Variants in FBLIM1 observed in about 807,000 individuals in gnomAD.
FBLIM1 encodes filamin binding LIM protein 1, also known as filamin-binding LIM protein 1.
FBLIM1 carries 29 observed loss-of-function variants against 37.4 expected under a neutral mutation model. That is an observed-to-expected ratio of 0.77 (90% CI 0.58 to 1.06). The LOEUF is 1.06. Among genes scored for constraint, FBLIM1 ranks in the 50% least tolerant of loss-of-function variants. The pLI is 0.00. For missense variants in FBLIM1, 449 were observed against 505.6 expected, an observed-to-expected ratio of 0.89 and a Z score of 1.07; for synonymous variants, 193 against 199.0, an observed-to-expected ratio of 0.97 and a Z score of 0.25.
Position 15,767,436 on chromosome 1 carries a change from T to TG in FBLIM1, c.311_312insG (p.Pro106ThrfsTer13). On this transcript the variant is annotated frameshift_variant, in exon 4 of 9. Transcript: ENST00000375766. LOFTEE classifies it high-confidence loss of function. ...GACGTGCTTCCTGACCTGGACCTCC[T>TG]CCCACCCCCTCCACCGCCCCCTCCA... 9 of 1,209,840 alleles carry TG rather than the reference T, an allele frequency of 7.4e-6. No individual in the cohort carries two copies. Among genetic ancestry groups the TG allele is most frequent in the Non-Finnish European group, 1.0e-5 (9 of 893,850 alleles). The allele number at this position is 1,209,840 out of a possible 1,614,324, so 74.9% of individuals were successfully genotyped here.
At chr1:15,781,458 A>G (rs1411513219) in intron 8 of FBLIM1, among the ~76,000 whole-genome samples, 1 of 149,970 alleles carries the variant, frequency 6.7e-6, no homozygotes, top group African/African-American at 2.5e-5. Flanking sequence ...GGTTGCAGTG[A>G]GCAGAGATTG....
chr1:15,783,080 C>T (rs1052243206), intron 8 of FBLIM1, among the ~76,000 whole-genome samples: 2 of 152,102 alleles, frequency 1.3e-5, no homozygotes, highest in African/African-American at 4.8e-5. Flanking sequence ...AGGCGTGAGC[C>T]ACTGCGCCTG....
chr1:15,764,883 G>A, intron 2 of FBLIM1, 81 bp from the exon 3 acceptor site: 2 of 1,477,864 alleles, frequency 1.4e-6, no homozygotes, highest in Non-Finnish European at 1.8e-6. Context: ...CTTTTTGGGA[G>A]GAGGGAGGCT....
At chr1:15,783,135 G>C (rs886143880) in intron 8 of FBLIM1, among the ~76,000 whole-genome samples, 1 of 151,984 alleles carries the variant, frequency 6.6e-6, no homozygotes, top group African/African-American at 2.4e-5. Flanking sequence ...AGCTTCCAAA[G>C]GGTGCCCAGA....
chr1:15,784,990 C>T lies in FBLIM1; in HGVS notation c.*329C>T, dbSNP rs2069738187. ...CTGGTAGGGGTGCTAGGACCAGCCT[C>T]GCCTGTGGGGTTGAGCTGTTTGAGG... On this transcript the variant is annotated 3_prime_UTR_variant, in exon 9 of 9. Coordinates refer to ENST00000375766, the MANE Select transcript of FBLIM1 (RefSeq NM_017556.4). The T allele has an allele frequency of 1.3e-5, 3 of 229,016 alleles. No homozygotes were observed. The highest frequency in any genetic ancestry group is 2.2e-5 in the African/African-American group (1 of 45,188). The allele number at this position is 229,016 out of a possible 1,614,324, so 14.2% of individuals were successfully genotyped here. A position where few individuals can be genotyped will look rare whatever the true frequency, so the allele number is the denominator to read the frequency against.
At chr1:15,761,002 T>A (rs954448258) in intron 1 of FBLIM1, among the ~76,000 whole-genome samples, 4 of 152,134 alleles carry the variant, frequency 2.6e-5, no homozygotes, top group African/African-American at 9.7e-5. Context: ...CTGAGGTCCC[T>A]GCAGTCACTG....
At position 15,774,737 on chromosome 1, in the gene FBLIM1, G is replaced by A. The variant is rs1291758341; in HGVS notation, c.831G>A (p.Gly277=). The change falls in exon 7 of 9, where the codon GGG becomes GGA. Residue 277 remains glycine, a synonymous_variant. Transcript: ENST00000375766. ...GTGTGACCTGCGCCCGGTGCATTGG[G>A]GATGAGAGCTTTGCCCTGGGCAGCC... ...FTCVTCARCI[G]DESFALGSQN... 6.2e-7 allele frequency: 1 copy of A among 1,614,008 alleles called. No homozygotes were observed. Among genetic ancestry groups the A allele is most frequent in the Non-Finnish European group, 8.5e-7 (1 of 1,179,998 alleles).
chr1:15,770,710 G>T (rs563690551), intron 6 of FBLIM1, 132 bp downstream of exon 6: 2 of 1,147,800 alleles, frequency 1.7e-6, no homozygotes, highest in African/African-American at 1.5e-5. Context: ...GGAAACTGAG[G>T]CTCAGAAAGA....
chr1:15,770,347 T>A, intron 5 of FBLIM1, 62 bp from the exon 6 acceptor site: 1 of 1,553,170 alleles, frequency 6.4e-7, no homozygotes, highest in Non-Finnish European at 8.8e-7. Flanking sequence ...ATGTTCTGGG[T>A]GGTGCCTGGG....
rs1377539018 is a variant in FBLIM1, at chr1:15,758,887, C to G, written c.-211+39C>G. On this transcript the variant is annotated intron_variant, in intron 1 of 8. Transcript: ENST00000375766. This position sits in a 1 kb window ranked among gnomAD's most constrained non-coding sequence, Gnocchi z 6.2. ...GTGGGTGGGGGTCGCGTCCCTCCGT[C>G]CCTGTCCCCGGTGCACACAGGTGAC... The G allele has an allele frequency of 6.6e-6, 1 of 151,994 alleles. No homozygotes were observed. The highest frequency in any genetic ancestry group is 1.9e-4 in the East Asian group (1 of 5,150). The allele number at this position is 151,994 out of a possible 1,614,324, so 9.4% of individuals were successfully genotyped here. A position where few individuals can be genotyped will look rare whatever the true frequency, so the allele number is the denominator to read the frequency against.
At position 15,773,941 on chromosome 1, in the gene FBLIM1, G is replaced by A. The variant is rs140108966; in HGVS notation, c.712-677G>A. On this transcript the variant is annotated intron_variant, in intron 6 of 8. Coordinates refer to ENST00000375766, the MANE Select transcript of FBLIM1 (RefSeq NM_017556.4). ...GTTGATCACTTGAGGTCAGGAGTTC[G>A]AAACCAGCCTGGCCAACATGGTGAA... is the stretch of plus-strand genomic sequence containing the variant. Among the ~76,000 whole-genome samples the A allele has an allele frequency of 5.7e-3, 870 of 152,044 alleles. 7 individuals carry two copies. Among genetic ancestry groups the A allele is most frequent in the African/African-American group, 0.019 (797 of 41,464 alleles).
intron 7 of FBLIM1, among the ~76,000 whole-genome samples, chr1:15,776,467 G>T (rs1350743227): frequency 6.6e-6 from 1 of 152,112 alleles, no homozygotes; most frequent in Admixed American, 6.6e-5. Context: ...TCTGCCCTTG[G>T]AGCTGAATGA....
At chr1:15,762,710 G>A (rs7512358) in intron 1 of FBLIM1, among the ~76,000 whole-genome samples, 145,185 of 152,296 alleles carry the variant, frequency 0.95, 69,218 homozygotes, top group Admixed American at 0.96. Flanking sequence ...TGATGCCTGC[G>A]CTCTGATATC....
upstream of FBLIM1, chr1:15,758,490 A>T (rs2068501066): frequency 6.7e-6 from 1 of 148,994 alleles, no homozygotes; most frequent in African/African-American, 2.5e-5. This position sits in a 1 kb window ranked among gnomAD's most constrained non-coding sequence, Gnocchi z 6.2. Context: ...TCCTACCCCC[A>T]CTCCCCATCC....
intron 6 of FBLIM1, among the ~76,000 whole-genome samples, chr1:15,773,972 G>A (rs754125444): frequency 1.3e-5 from 2 of 151,512 alleles, no homozygotes; most frequent in Admixed American, 1.3e-4. Flanking sequence ...GTGAAACACC[G>A]TGTCTACAAA....
chr1:15,761,381 G>A (rs1217666379), intron 1 of FBLIM1, among the ~76,000 whole-genome samples: 1 of 152,056 alleles, frequency 6.6e-6, no homozygotes, highest in African/African-American at 2.4e-5. Flanking sequence ...AACCTCACAG[G>A]GTCCATCTGC....
chr1:15,768,498 C>A, intron 4 of FBLIM1, 30 bp from the exon 5 acceptor site: 1 of 1,465,310 alleles, frequency 6.8e-7, no homozygotes, highest in Non-Finnish European at 9.1e-7. Context: ...TGGGGTCCCA[C>A]TGGATGACTC....
At chr1:15,764,846 G>T in intron 2 of FBLIM1, 118 bp from the exon 3 acceptor site, 1 of 1,245,926 alleles carries the variant, frequency 8.0e-7, no homozygotes, top group South Asian at 1.4e-5. Flanking sequence ...GGACTGAGTT[G>T]TTGAGATGGT....
chr1:15,783,736 C>T (rs1361998680), intron 8 of FBLIM1, among the ~76,000 whole-genome samples: 1 of 151,892 alleles, frequency 6.6e-6, no homozygotes. Context: ...GCGCCCGCCA[C>T]CACGCCCGGC....
Sources: allele counts gnomAD v4.1 joint callset (sites outside exome capture counted in the v4.1 genomes callset), GRCh38; gene constraint gnomAD v4.1.1; non-coding constraint Gnocchi (gnomAD v3.1); transcripts MANE v1.5; gene names NCBI Gene and HGNC (gene_info 2026-07-23, HGNC 2026-07-21).